The following TTLL10 variants were observed in gnomAD, a reference collection of about 807,000 sequenced individuals.
The protein encoded by TTLL10 is inactive polyglycylase TTLL10.
Under a neutral mutation model 69.0 loss-of-function variants are expected in TTLL10, and 61 were observed. The observed-to-expected ratio is 0.88, with a 90% confidence interval of 0.72 to 1.09. The LOEUF (loss-of-function observed/expected upper bound fraction) is 1.09. TTLL10 is among the 50% of genes least tolerant of loss of function. The pLI is 0.00. For missense variants in TTLL10, 962 were observed against 945.9 expected, an observed-to-expected ratio of 1.02 and a Z score of -0.22; for synonymous variants, 408 against 393.3, an observed-to-expected ratio of 1.04 and a Z score of -0.44.
In TTLL10 at chr1:1,196,677, C is replaced by A. The variant is rs760661401; in HGVS notation, c.1479C>A (p.Asp493Glu). The change falls in exon 14 of 16, where the codon GAC becomes GAA. Residue 493 changes from aspartate to glutamate, a missense_variant. Coordinates refer to ENST00000379289, the MANE Select transcript of TTLL10 (RefSeq NM_001130045.2). ...TGGACTGCAAGCTGGGTTACTTTGA[C>A]CTCATTGGCTGTGACTTCCTGATTG... is the stretch of plus-strand genomic sequence containing the variant. Reference protein sequence around the residue: ...PKLDCKLGYFDLIGCDFLIDD... With the variant: ...PKLDCKLGYFELIGCDFLIDD... The A allele has an allele frequency of 1.3e-6, 2 of 1,552,088 alleles. No homozygotes were observed. The highest frequency in any genetic ancestry group is 1.2e-5 in the South Asian group (1 of 84,062).
intron 3 of TTLL10, chr1:1,176,354 G>T (rs372151990): frequency 9.5e-5 from 43 of 450,790 alleles, no homozygotes; most frequent in South Asian, 1.7e-4. Context: ...AGAGGCTGAC[G>T]CTGTGCAGCT....
In TTLL10 at chr1:1,181,639, A is replaced by G; in HGVS notation, c.756-102A>G. ...GCCACCTCCTTCCACCACAACTCAC[A>G]GTCCGCCCACTCACCACCCATGCCC... On this transcript the variant is annotated intron_variant, in intron 8 of 15. Transcript: ENST00000379289. The surrounding 1 kb of genome is among the most constrained non-coding windows in gnomAD (Gnocchi z 4.6). 1 of 1,072,726 alleles carries G rather than the reference A, an allele frequency of 9.3e-7. No homozygotes were observed. The allele number at this position is 1,072,726 out of a possible 1,614,324, so 66.5% of individuals were successfully genotyped here.
rs1409005726 is a variant in TTLL10, at chr1:1,175,574, C to T, written c.-28+1085C>T. On this transcript the variant is annotated intron_variant, in intron 3 of 15. Coordinates refer to ENST00000379289, the MANE Select transcript of TTLL10 (RefSeq NM_001130045.2). ...TGCTTTTCACATGTGCTTGTGTTCCCGCCTATCCTGAGCTGTCCCTGAGCT... is the reference window on the plus strand; with the variant it reads ...TGCTTTTCACATGTGCTTGTGTTCCTGCCTATCCTGAGCTGTCCCTGAGCT... The T allele has an allele frequency of 1.8e-5, 7 of 396,826 alleles. 1 individual carries two copies. Among genetic ancestry groups the T allele is most frequent in the East Asian group, 1.4e-4 (2 of 13,968 alleles). The allele number at this position is 396,826 out of a possible 1,614,324, so 24.6% of individuals were successfully genotyped here. A position where few individuals can be genotyped will look rare whatever the true frequency, so the allele number is the denominator to read the frequency against.
At chr1:1,183,686 G>A (rs546364421) in intron 11 of TTLL10, among the ~76,000 whole-genome samples, 59 of 152,348 alleles carry the variant, frequency 3.9e-4, no homozygotes, top group African/African-American at 1.4e-3. Context: ...CCTCCAGGCA[G>A]CCCTCCAGGC....
At chr1:1,189,327 G>A (rs549927815) in intron 13 of TTLL10, among the ~76,000 whole-genome samples, 1 of 152,308 alleles carries the variant, frequency 6.6e-6, no homozygotes, top group South Asian at 2.1e-4. Flanking sequence ...CTAGAAGGAT[G>A]TTGAAATCTG....
At chr1:1,189,711 T>C (rs1018746117) in intron 13 of TTLL10, among the ~76,000 whole-genome samples, 3 of 152,304 alleles carry the variant, frequency 2.0e-5, no homozygotes, top group Middle Eastern at 3.4e-3. Flanking sequence ...ACCTGGGTTT[T>C]CCTCTGTGGG....
At position 1,184,097 on chromosome 1, in the gene TTLL10, T is replaced by C. The variant is rs780628793; in HGVS notation, c.1260+6T>C. On this transcript the variant is annotated splice_donor_region_variant and intron_variant, in intron 12 of 15. Transcript: ENST00000379289. ...GCGGCCACTTGACCAACCAGGTGAG[T>C]CTGCCATGGGTGAGGGCCCTCCCTG... is the stretch of plus-strand genomic sequence containing the variant. 6 of 1,613,886 alleles carry C rather than the reference T, an allele frequency of 3.7e-6. No individual in the cohort carries two copies. The highest frequency in any genetic ancestry group is 1.3e-5 in the African/African-American group (1 of 74,856).
Position 1,182,240 on chromosome 1 carries a change from G to A in TTLL10, c.831-121G>A, listed in dbSNP as rs112452654. 2.0e-4 allele frequency: 171 copies of A among 840,160 alleles called. 1 individual carries two copies. Among genetic ancestry groups the A allele is most frequent in the South Asian group, 1.0e-3 (73 of 71,004 alleles). 52.0% of individuals were successfully genotyped at this position (840,160 alleles called of 1,614,324 possible). On this transcript the variant is annotated intron_variant, in intron 9 of 15. Coordinates refer to ENST00000379289, the MANE Select transcript of TTLL10 (RefSeq NM_001130045.2). ...CAAAGTCCCCACAAGGAGAACGGCC[G>A]CGGGCGCCAGGTGCCACTGCCCACA...
At chr1:1,196,567 C>T (rs1307488683) in intron 13 of TTLL10, 33 bp from the exon 14 acceptor site, 1 of 1,507,686 alleles carries the variant, frequency 6.6e-7, no homozygotes, top group South Asian at 1.2e-5. Context: ...GGCCTACGGG[C>T]CGCAGCCAGG....
At chr1:1,191,798 A>G (rs1001711749) in intron 13 of TTLL10, among the ~76,000 whole-genome samples, 1 of 152,258 alleles carries the variant, frequency 6.6e-6, no homozygotes, top group Non-Finnish European at 1.5e-5. Context: ...TCAGTTAACT[A>G]AAAGTATCCC....
rs1647075781 is a variant in TTLL10 at position 1,181,733 on chromosome 1, G to T, written c.756-8G>T. The T allele has an allele frequency of 1.3e-6, 2 of 1,591,898 alleles. No homozygotes were observed. Among genetic ancestry groups the T allele is most frequent in the Non-Finnish European group, 1.7e-6 (2 of 1,170,634 alleles). On this transcript the variant is annotated splice_polypyrimidine_tract_variant and splice_region_variant and intron_variant, in intron 8 of 15. Transcript: ENST00000379289. This position sits in a 1 kb window ranked among gnomAD's most constrained non-coding sequence, Gnocchi z 4.6. ...CTCAGTCCAGGCCCTCTGTCCCCTG[G>T]GCTGCAGGCTGGAAAAGGACGCAGC...
At chr1:1,180,403 A>G (rs911179119) in intron 6 of TTLL10, 63 bp downstream of exon 6, 10 of 1,540,494 alleles carry the variant, frequency 6.5e-6, no homozygotes, top group South Asian at 1.2e-5. Context: ...CCCGGGGCCC[A>G]GCCCGGCCTC....
At chr1:1,179,554 C>T in intron 4 of TTLL10, 103 bp from the exon 5 acceptor site, 2 of 1,514,482 alleles carry the variant, frequency 1.3e-6, no homozygotes, top group Non-Finnish European at 1.8e-6. Flanking sequence ...TTCCGCCTGG[C>T]TGGCACCACC....
chr1:1,179,783 TC>T, intron 5 of TTLL10, 46 bp downstream of exon 5: 1 of 1,501,926 alleles, frequency 6.7e-7, no homozygotes. Flanking sequence ...TGCTCCAAGC[TC>T]CCCACCCCCA....
intron 12 of TTLL10, among the ~76,000 whole-genome samples, chr1:1,184,557 C>A (rs866380442): frequency 6.6e-6 from 1 of 151,978 alleles, no homozygotes; most frequent in Non-Finnish European, 1.5e-5. Flanking sequence ...GGGGTCTCAG[C>A]GGATGAAGGT....
Position 1,181,903 on chromosome 1 carries a change from G to A in TTLL10, c.830+88G>A. 7.7e-7 allele frequency: 1 copy of A among 1,301,598 alleles called. No homozygotes were observed. Among genetic ancestry groups the A allele is most frequent in the Admixed American group, 2.2e-5 (1 of 46,198 alleles). The allele number at this position is 1,301,598 out of a possible 1,614,324, so 80.6% of individuals were successfully genotyped here. A position where few individuals can be genotyped will look rare whatever the true frequency, so the allele number is the denominator to read the frequency against. Reference sequence around the variant, plus strand: ...TCTGAAAAGGAGAAAGCGGGGCGGGGGTCCCACACAAAGGAAAACCACGAG... The same window carrying A: ...TCTGAAAAGGAGAAAGCGGGGCGGGAGTCCCACACAAAGGAAAACCACGAG... On this transcript the variant is annotated intron_variant, in intron 9 of 15. Transcript: ENST00000379289. The surrounding 1 kb of genome is among the most constrained non-coding windows in gnomAD (Gnocchi z 4.6).
chr1:1,183,821 G>A, intron 11 of TTLL10, 99 bp from the exon 12 acceptor site: 1 of 1,479,978 alleles, frequency 6.8e-7, no homozygotes, highest in Non-Finnish European at 9.3e-7. Context: ...CAGAGGCGGG[G>A]CGCTGAGGAA....
chr1:1,186,068 G>A (rs933560168), intron 13 of TTLL10, among the ~76,000 whole-genome samples: 4 of 151,186 alleles, frequency 2.6e-5, no homozygotes, highest in African/African-American at 4.9e-5. Flanking sequence ...GTTCATCCAC[G>A]TAGTTCACGT....
At position 1,180,802 on chromosome 1, in the gene TTLL10, C is replaced by T. The variant is rs58991788; in HGVS notation, c.697C>T (p.Arg233Trp). The T allele has an allele frequency of 8.7e-4, 1,395 of 1,604,236 alleles. 12 individuals are homozygous for T. The African/African-American group carries it at 0.016, about 19-fold the overall frequency. ...TTKIGLLSTL[R>W]GRARAMSKAS... Reference sequence around the variant, plus strand: ...CAAGATCGGGCTGCTCAGCACCCTTCGGGGACGGGCACGGGCCATGAGCAA... The same window carrying T: ...CAAGATCGGGCTGCTCAGCACCCTTTGGGGACGGGCACGGGCCATGAGCAA... The change falls in exon 8 of 16, where the codon CGG becomes TGG. Residue 233 changes from arginine (R) to tryptophan (W), a missense_variant. By Grantham distance (101) the Arg-to-Trp change is moderately radical. Transcript: ENST00000379289.
Sources: allele counts gnomAD v4.1 joint callset (sites outside exome capture counted in the v4.1 genomes callset), GRCh38; gene constraint gnomAD v4.1.1; non-coding constraint Gnocchi (gnomAD v3.1); transcripts MANE v1.5; gene names NCBI Gene and HGNC (gene_info 2026-07-23, HGNC 2026-07-21).